The following HHLA2 variants were observed in gnomAD, a reference collection of about 807,000 sequenced individuals.
HHLA2 encodes HERV-H LTR-associating protein 2.
A neutral mutation model predicts 45.9 loss-of-function variants in HHLA2; 48 were observed. The ratio of observed to expected loss-of-function variants is 1.05; its 90% CI spans 0.83 to 1.33. The LOEUF (loss-of-function observed/expected upper bound fraction) is 1.33, where lower values mean the gene tolerates loss of function less well. Ranked by LOEUF, HHLA2 falls within the 40% of genes most tolerant of loss-of-function variation. The pLI, the probability that HHLA2 is intolerant of heterozygous loss-of-function variation, is 0.00. For synonymous variants in HHLA2, 161 were observed against 173.9 expected (o/e 0.93, Z 0.59); for missense variants, 462 against 494.3 (o/e 0.93, Z 0.62).
chr3:108,311,374 G>T (rs2081015642), intron 2 of HHLA2, among the ~76,000 whole-genome samples: 1 of 152,132 alleles, frequency 6.6e-6, no homozygotes, highest in Non-Finnish European at 1.5e-5. Flanking sequence ...TATTTAAAGT[G>T]ATGGCTAACA....
chr3:108,343,338 G>A (rs7643006), intron 3 of HHLA2, among the ~76,000 whole-genome samples: 102,263 of 152,056 alleles, frequency 0.67, 35,232 homozygotes, highest in African/African-American at 0.76. Context: ...TACAAAGCCA[G>A]CATGATAACC....
chr3:108,368,064 A>C (rs549708061), intron 8 of HHLA2, among the ~76,000 whole-genome samples: 1 of 152,174 alleles, frequency 6.6e-6, no homozygotes, highest in Non-Finnish European at 1.5e-5. Context: ...TAACATTCTT[A>C]AAGAAGAGAA....
intron 3 of HHLA2, among the ~76,000 whole-genome samples, chr3:108,337,695 A>T (rs1338361833): frequency 2.0e-5 from 3 of 152,138 alleles, no homozygotes; most frequent in Non-Finnish European, 4.4e-5. Context: ...AGACCTATCC[A>T]GGTGGAATTT....
At chr3:108,360,497 A>G (rs550489195) in intron 7 of HHLA2, among the ~76,000 whole-genome samples, 1 of 152,300 alleles carries the variant, frequency 6.6e-6, no homozygotes, top group Admixed American at 6.5e-5. Flanking sequence ...TGCCAGCATC[A>G]CTACTCTTGT....
chr3:108,338,662 A>C (rs1459919637), intron 3 of HHLA2, among the ~76,000 whole-genome samples: 1 of 152,216 alleles, frequency 6.6e-6, no homozygotes, highest in East Asian at 1.9e-4. Flanking sequence ...TTTAATTTGC[A>C]GTAAGTAGTA....
chr3:108,298,966 G>A (rs987969533), intron 1 of HHLA2, among the ~76,000 whole-genome samples: 6 of 152,124 alleles, frequency 3.9e-5, no homozygotes, highest in South Asian at 2.1e-4. Context: ...GGCTATCCAG[G>A]TCTGTCCTAG....
At chr3:108,366,611 CT>C (rs1240424293) in intron 8 of HHLA2, among the ~76,000 whole-genome samples, 2 of 152,042 alleles carry the variant, frequency 1.3e-5, no homozygotes, top group Non-Finnish European at 2.9e-5. Context: ...TGGTCCTGGG[CT>C]TTTTTGGCTG....
chr3:108,374,966 C>A (rs1344274437), intron 8 of HHLA2, among the ~76,000 whole-genome samples: 5 of 148,514 alleles, frequency 3.4e-5, no homozygotes, highest in Admixed American at 6.7e-5. Flanking sequence ...TTGACCCAGC[C>A]ATCCCATTAC....
chr3:108,301,123 G>A (rs1465321796), intron 1 of HHLA2, among the ~76,000 whole-genome samples: 1 of 152,018 alleles, frequency 6.6e-6, no homozygotes, highest in African/African-American at 2.4e-5. Flanking sequence ...TGAGTGTGAG[G>A]AGACCTAGGC....
intron 8 of HHLA2, among the ~76,000 whole-genome samples, chr3:108,364,186 C>T (rs937818997): frequency 3.3e-5 from 5 of 152,162 alleles, no homozygotes; most frequent in South Asian, 2.1e-4. Context: ...ATGTTCCCCG[C>T]CCTGTGTCCA....
At chr3:108,298,794 G>A (rs2080803916) in intron 1 of HHLA2, among the ~76,000 whole-genome samples, 2 of 152,226 alleles carry the variant, frequency 1.3e-5, no homozygotes, top group South Asian at 4.2e-4. Flanking sequence ...CTCGATCTTG[G>A]AATCTTAGAG....
intron 2 of HHLA2, among the ~76,000 whole-genome samples, chr3:108,317,926 A>C (rs2081130800): frequency 6.6e-6 from 1 of 152,088 alleles, no homozygotes; most frequent in Non-Finnish European, 1.5e-5. Flanking sequence ...TCACACCTAT[A>C]ATCCCAGCAC....
chr3:108,376,809 A>T, intron 10 of HHLA2: 1 of 409,786 alleles, frequency 2.4e-6, no homozygotes, highest in Non-Finnish European at 4.4e-6. Flanking sequence ...TGTAGAGAAG[A>T]TCTCCAATGG....
chr3:108,336,930 T>C (rs767885238), intron 3 of HHLA2, among the ~76,000 whole-genome samples: 12 of 152,100 alleles, frequency 7.9e-5, no homozygotes, highest in Non-Finnish European at 1.3e-4. Context: ...TTTCCTTGCT[T>C]GATGTGTCAT....
chr3:108,372,678 C>A (rs1354571284), intron 8 of HHLA2, among the ~76,000 whole-genome samples: 2 of 152,120 alleles, frequency 1.3e-5, no homozygotes, highest in African/African-American at 4.8e-5. Context: ...TACAAACTAC[C>A]ATCAGAGAAT....
intron 1 of HHLA2, among the ~76,000 whole-genome samples, chr3:108,301,083 T>G (rs890148558): frequency 6.6e-6 from 1 of 152,186 alleles, no homozygotes; most frequent in Non-Finnish European, 1.5e-5. Context: ...ATTTATGTCT[T>G]CTGATCTTGG....
chr3:108,328,144 A>G, intron 2 of HHLA2: 2 of 513,300 alleles, frequency 3.9e-6, no homozygotes, highest in Non-Finnish European at 3.3e-6. Context: ...AAGAAAAAAA[A>G]AAAGTTGTAG....
intron 3 of HHLA2, among the ~76,000 whole-genome samples, chr3:108,342,095 G>A (rs567208826): frequency 6.6e-6 from 1 of 152,160 alleles, no homozygotes; most frequent in East Asian, 1.9e-4. Context: ...CTGCAACACA[G>A]CTTGACAGAG....
At chr3:108,373,603 T>C (rs2082219582) in intron 8 of HHLA2, among the ~76,000 whole-genome samples, 1 of 152,196 alleles carries the variant, frequency 6.6e-6, no homozygotes, top group Non-Finnish European at 1.5e-5. Flanking sequence ...CAAAATCTCC[T>C]TAAGCTGATA....
Sources: allele counts gnomAD v4.1 joint callset (sites outside exome capture counted in the v4.1 genomes callset), GRCh38; gene constraint gnomAD v4.1.1; transcripts MANE v1.5; gene names NCBI Gene and HGNC (gene_info 2026-07-23, HGNC 2026-07-21).